The following ERBB4 variants were observed in gnomAD, a reference collection of about 807,000 sequenced individuals.
ERBB4 encodes erb-b2 receptor tyrosine kinase 4, also known as receptor tyrosine-protein kinase erbB-4.
In ERBB4, 42 loss-of-function variants were observed where a neutral mutation model predicts 158.0. That is an observed-to-expected ratio of 0.27 (90% CI 0.21 to 0.34). The LOEUF (loss-of-function observed/expected upper bound fraction) is 0.34, where lower values mean the gene tolerates loss of function less well. Among genes scored for constraint, ERBB4 ranks in the 10% least tolerant of loss-of-function variants. The pLI, the probability that ERBB4 is intolerant of heterozygous loss-of-function variation, is 1.00. For missense variants in ERBB4, 1,333 were observed against 1,624.1 expected (o/e 0.82, Z 3.08); for synonymous variants, 583 against 558.7 (o/e 1.04, Z -0.61).
chr2:212,494,278 T>G (rs1032884178), intron 1 of ERBB4, among the ~76,000 whole-genome samples: 4 of 152,008 alleles, frequency 2.6e-5, no homozygotes, highest in African/African-American at 9.7e-5. Context: ...GGTTTTATTC[T>G]AAGTATCGTA....
In ERBB4 at chr2:211,626,966, A is replaced by AAAAT. The variant is rs1553598829; in HGVS notation, c.2080-2923_2080-2922insATTT. On this transcript the variant is annotated intron_variant, in intron 17 of 27. Transcript: ENST00000342788. ...AATAAATAAAAAAAATAAAAAAAAAAAAGTGTGTGTTTATTTAGTAAGGAA... is the reference window on the plus strand; with the variant it reads ...AATAAATAAAAAAAATAAAAAAAAAAAAATAAGTGTGTGTTTATTTAGTAAGGAA... Among the ~76,000 whole-genome samples, 28 of 150,686 alleles carry AAAAT rather than the reference A, an allele frequency of 1.9e-4. 1 individual carries two copies. The highest frequency in any genetic ancestry group is 6.3e-4 in the African/African-American group (26 of 41,104).
chr2:212,471,544 G>C (rs1244647972), intron 1 of ERBB4, among the ~76,000 whole-genome samples: 1 of 151,804 alleles, frequency 6.6e-6, no homozygotes, highest in Non-Finnish European at 1.5e-5. Context: ...TTACTTTCTA[G>C]AGCAGTCCTT....
At chr2:211,659,839 T>C (rs531765238) in intron 15 of ERBB4, among the ~76,000 whole-genome samples, 1 of 152,292 alleles carries the variant, frequency 6.6e-6, no homozygotes, top group East Asian at 1.9e-4. Flanking sequence ...AACAGATGTG[T>C]ATTGAATAAT....
intron 1 of ERBB4, among the ~76,000 whole-genome samples, chr2:212,479,813 T>TG (rs1291087959): frequency 6.6e-6 from 1 of 152,140 alleles, no homozygotes; most frequent in East Asian, 1.9e-4. Flanking sequence ...AGACTAGAAT[T>TG]GAAAGAGGTA....
intron 16 of ERBB4, among the ~76,000 whole-genome samples, chr2:211,654,376 T>C (rs1053734940): frequency 6.6e-6 from 1 of 152,196 alleles, no homozygotes; most frequent in African/African-American, 2.4e-5. Context: ...AAATAGGCGT[T>C]AATGAAAGAT....
intron 1 of ERBB4, among the ~76,000 whole-genome samples, chr2:212,475,998 G>T (rs927636258): frequency 3.3e-5 from 5 of 151,930 alleles, no homozygotes; most frequent in African/African-American, 1.2e-4. Context: ...AAATCAGACT[G>T]TGTACCCATA....
chr2:212,279,244 G>A (rs540649721), intron 1 of ERBB4, among the ~76,000 whole-genome samples: 1 of 151,204 alleles, frequency 6.6e-6, no homozygotes, highest in Non-Finnish European at 1.5e-5. Flanking sequence ...ATTAAAAGGT[G>A]CATAAAATAT....
At chr2:211,854,605 T>C (rs1553646486) in intron 3 of ERBB4, among the ~76,000 whole-genome samples, 1 of 152,148 alleles carries the variant, frequency 6.6e-6, no homozygotes, top group African/African-American at 2.4e-5. Context: ...TTCATCTCTA[T>C]TCTCTTTCAC....
At chr2:211,677,760 G>A (rs951159326) in intron 13 of ERBB4, among the ~76,000 whole-genome samples, 3 of 152,028 alleles carry the variant, frequency 2.0e-5, no homozygotes, top group Non-Finnish European at 4.4e-5. Context: ...TGTAGTCCCA[G>A]CTACTCGGGA....
chr2:212,272,239 T>C (rs2085368918), intron 1 of ERBB4, among the ~76,000 whole-genome samples: 1 of 151,758 alleles, frequency 6.6e-6, no homozygotes, highest in Non-Finnish European at 1.5e-5. Context: ...TCCTGACATA[T>C]AGCTAAATAT....
intron 3 of ERBB4, among the ~76,000 whole-genome samples, chr2:211,865,944 A>G (rs1467434905): frequency 6.6e-6 from 1 of 152,232 alleles, no homozygotes; most frequent in Non-Finnish European, 1.5e-5. Flanking sequence ...CTAAAATTAT[A>G]TCCTTTTGTA....
At chr2:212,328,160 CT>C (rs2106284920) in intron 1 of ERBB4, among the ~76,000 whole-genome samples, 1 of 151,988 alleles carries the variant, frequency 6.6e-6, no homozygotes, top group East Asian at 2.0e-4. Context: ...TTCAAGATGG[CT>C]TCAATCATGT....
At chr2:211,488,695 T>C (rs1479135335) in intron 20 of ERBB4, among the ~76,000 whole-genome samples, 1 of 152,098 alleles carries the variant, frequency 6.6e-6, no homozygotes, top group African/African-American at 2.4e-5. Flanking sequence ...GAAAGTAGTC[T>C]AGATAATGAT....
chr2:211,518,181 G>A (rs1006913835), intron 20 of ERBB4, among the ~76,000 whole-genome samples: 2 of 151,924 alleles, frequency 1.3e-5, no homozygotes, highest in African/African-American at 4.8e-5. Flanking sequence ...TCAGTTTTCT[G>A]TACCTATAAA....
At chr2:211,464,699 C>CT (rs1157399511) in intron 20 of ERBB4, among the ~76,000 whole-genome samples, 1 of 151,962 alleles carries the variant, frequency 6.6e-6, no homozygotes, top group Non-Finnish European at 1.5e-5. Context: ...TTGAGAAAAG[C>CT]TTTTTTTATA....
At chr2:211,835,344 C>T (rs909557324) in intron 3 of ERBB4, among the ~76,000 whole-genome samples, 1 of 94,602 alleles carries the variant, frequency 1.1e-5, no homozygotes, top group African/African-American at 3.8e-5. Flanking sequence ...CATTTTTCTG[C>T]CTCCAGTATG....
In ERBB4 at chr2:211,441,638, T is replaced by C. The variant is rs78374159; in HGVS notation, c.2488-10538A>G. On this transcript the variant is annotated intron_variant, in intron 20 of 27. Coordinates refer to ENST00000342788, the MANE Select transcript of ERBB4 (RefSeq NM_005235.3). ...GCTCCTGTGGAAATGCTGATATCTT[T>C]TCTGGGGCTGCTATCTCTTGATGCT... is the stretch of plus-strand genomic sequence containing the variant. Among the ~76,000 whole-genome samples the C allele has an allele frequency of 2.4e-4, 37 of 152,276 alleles. 2 individuals carry two copies. In the East Asian group the frequency reaches 5.8e-3, roughly 24 times the overall value.
At chr2:212,105,634 T>C (rs987087135) in intron 2 of ERBB4, among the ~76,000 whole-genome samples, 47 of 152,208 alleles carry the variant, frequency 3.1e-4, no homozygotes, top group Non-Finnish European at 1.0e-4. Flanking sequence ...TAAAATAACA[T>C]AGTTGCATGT....
intron 2 of ERBB4, among the ~76,000 whole-genome samples, chr2:212,074,711 T>G (rs1194364718): frequency 6.6e-6 from 1 of 151,904 alleles, no homozygotes; most frequent in Non-Finnish European, 1.5e-5. Context: ...ATCCAGTTGG[T>G]GCTATGATTC....
Sources: gnomAD v4.1 joint callset for allele counts (sites outside exome capture counted in the v4.1 genomes callset) on GRCh38, gnomAD v4.1.1 for gene constraint, MANE v1.5 for transcripts, NCBI Gene and HGNC (gene_info 2026-07-23, HGNC 2026-07-21) for gene names.